Variants in UBE2E2 observed in about 807,000 individuals in gnomAD.
UBE2E2 encodes ubiquitin conjugating enzyme E2 E2, also known as ubiquitin-conjugating enzyme E2 E2.
Under a neutral mutation model 24.7 loss-of-function variants are expected in UBE2E2, and 6 were observed. That is an observed-to-expected ratio of 0.24 (90% CI 0.13 to 0.48). UBE2E2 has a LOEUF of 0.48. UBE2E2 is among the 20% of genes least tolerant of loss of function. The pLI is 0.99. For missense variants in UBE2E2, 169 were observed against 245.0 expected (o/e 0.69, Z 2.07); for synonymous variants, 104 against 83.6 (o/e 1.24, Z -1.33).
At chr3:23,348,579 T>C (rs1419883370) in intron 3 of UBE2E2, among the ~76,000 whole-genome samples, 2 of 152,156 alleles carry the variant, frequency 1.3e-5, no homozygotes, top group Non-Finnish European at 1.5e-5. Context: ...GTCATAATCA[T>C]AGTAAGAAGA....
chr3:23,472,790 G>A lies in UBE2E2; in HGVS notation c.228-26818G>A, dbSNP rs115301186. On this transcript the variant is annotated intron_variant, in intron 3 of 5. Transcript: ENST00000396703. ...CTCCTGAGTAGCTGGGACCACAGGC[G>A]CACATGCTACCAAGCCCAGCTAATT... is the stretch of plus-strand genomic sequence containing the variant. Among the ~76,000 whole-genome samples the A allele has an allele frequency of 5.9e-3, 894 of 151,556 alleles. 23 individuals carry two copies. Among genetic ancestry groups the A allele is most frequent in the African/African-American group, 0.021 (861 of 41,130 alleles).
intron 3 of UBE2E2, among the ~76,000 whole-genome samples, chr3:23,387,886 G>A (rs2125357742): frequency 6.6e-6 from 1 of 152,210 alleles, no homozygotes; most frequent in East Asian, 1.9e-4. Context: ...GCTGCTAGTG[G>A]GGTCACATCT....
At chr3:23,475,958 G>A (rs1021985422) in intron 3 of UBE2E2, among the ~76,000 whole-genome samples, 5 of 152,090 alleles carry the variant, frequency 3.3e-5, no homozygotes, top group African/African-American at 1.2e-4. Flanking sequence ...GCCTTCACAG[G>A]ACTGGAGTTA....
At chr3:23,531,186 A>G (rs1296781040) in intron 4 of UBE2E2, among the ~76,000 whole-genome samples, 1 of 152,176 alleles carries the variant, frequency 6.6e-6, no homozygotes, top group Non-Finnish European at 1.5e-5. Flanking sequence ...TGTAAATTAC[A>G]TAAATCTGGT....
intron 5 of UBE2E2, among the ~76,000 whole-genome samples, chr3:23,579,719 G>A (rs1314760337): frequency 1.2e-4 from 19 of 152,008 alleles, no homozygotes; most frequent in Admixed American, 1.2e-3. Context: ...AAAGAAAAAA[G>A]AATACTATTT....
chr3:23,523,404 ATGTC>A (rs773625335), intron 4 of UBE2E2, among the ~76,000 whole-genome samples: 3 of 152,184 alleles, frequency 2.0e-5, no homozygotes, highest in Non-Finnish European at 4.4e-5. Flanking sequence ...TTCAATTTAA[ATGTC>A]TGTGGCATAA....
intron 5 of UBE2E2, among the ~76,000 whole-genome samples, chr3:23,584,534 G>A (rs1696564482): frequency 1.3e-5 from 2 of 151,238 alleles, no homozygotes; most frequent in Non-Finnish European, 1.5e-5. Flanking sequence ...ATGCGAAGAG[G>A]TAGATTACGC....
At position 23,370,898 on chromosome 3, in the gene UBE2E2, G is replaced by A. The variant is rs541844424; in HGVS notation, c.228-128710G>A. On this transcript the variant is annotated intron_variant, in intron 3 of 5. Transcript: ENST00000396703. ...AAATGGGAAGAGAGTAGAAGTAAAA[G>A]CAGAAAAGAAAAATGAGGCTGTTGC... is the stretch of plus-strand genomic sequence containing the variant. Among the ~76,000 whole-genome samples, 3 of 152,250 alleles carry A rather than the reference G, an allele frequency of 2.0e-5. No homozygotes were observed. The South Asian group carries it at 6.2e-4, about 32-fold the overall frequency.
chr3:23,438,064 A>G (rs1383047012), intron 3 of UBE2E2, among the ~76,000 whole-genome samples: 3 of 152,222 alleles, frequency 2.0e-5, no homozygotes, highest in East Asian at 1.9e-4. Context: ...AGATTTGAAG[A>G]GCATCATTTC....
intron 3 of UBE2E2, among the ~76,000 whole-genome samples, chr3:23,354,136 A>T (rs1695857389): frequency 1.3e-5 from 2 of 152,126 alleles, no homozygotes; most frequent in African/African-American, 4.8e-5. Context: ...AGCAATGGGG[A>T]AAGGATTCCC....
intron 3 of UBE2E2, among the ~76,000 whole-genome samples, chr3:23,297,294 G>T (rs1450528681): frequency 1.3e-5 from 2 of 151,812 alleles, no homozygotes; most frequent in African/African-American, 4.8e-5. Context: ...CTTTTGCTGT[G>T]CAGAAGCTCT....
At chr3:23,355,499 T>C (rs796332781) in intron 3 of UBE2E2, among the ~76,000 whole-genome samples, 14 of 152,292 alleles carry the variant, frequency 9.2e-5, no homozygotes, top group African/African-American at 3.1e-4. Context: ...CAAAGCAAAG[T>C]GTTTTAAATC....
intron 3 of UBE2E2, among the ~76,000 whole-genome samples, chr3:23,384,184 A>G (rs1384225106): frequency 6.6e-6 from 1 of 151,966 alleles, no homozygotes; most frequent in Non-Finnish European, 1.5e-5. Context: ...GTTTTTGGAG[A>G]CAGGGTCTCA....
chr3:23,442,775 A>T (rs573818969), intron 3 of UBE2E2, among the ~76,000 whole-genome samples: 1 of 152,306 alleles, frequency 6.6e-6, no homozygotes, highest in South Asian at 2.1e-4. Flanking sequence ...CCAGAGATGC[A>T]TAGATAAGGG....
intron 3 of UBE2E2, among the ~76,000 whole-genome samples, chr3:23,256,138 A>G (rs1310691851): frequency 6.6e-6 from 1 of 152,204 alleles, no homozygotes; most frequent in Non-Finnish European, 1.5e-5. Flanking sequence ...CTAGCATATG[A>G]GTTGCAACCA....
intron 3 of UBE2E2, among the ~76,000 whole-genome samples, chr3:23,387,002 C>T (rs952135947): frequency 1.3e-5 from 2 of 152,156 alleles, no homozygotes; most frequent in African/African-American, 4.8e-5. Context: ...TTTAAAGTAC[C>T]TGCTATTTGA....
intron 4 of UBE2E2, among the ~76,000 whole-genome samples, chr3:23,500,447 T>A (rs1699696137): frequency 1.3e-5 from 2 of 152,218 alleles, no homozygotes; most frequent in African/African-American, 4.8e-5. Flanking sequence ...TCTTTTCTAC[T>A]GCCTATAAGT....
rs536592348 is a variant in UBE2E2 at position 23,426,912 on chromosome 3, G to A, written c.228-72696G>A. ...ATAATAGCAACAATATATTGTGTGC[G>A]TATACACACACACATATATATATAC... On this transcript the variant is annotated intron_variant, in intron 3 of 5. Transcript: ENST00000396703. Among the ~76,000 whole-genome samples, 7 of 151,912 alleles carry A rather than the reference G, an allele frequency of 4.6e-5. 1 individual carries two copies. The highest frequency in any genetic ancestry group is 4.2e-4 in the South Asian group (2 of 4,810).
chr3:23,352,082 C>T (rs13319311), intron 3 of UBE2E2, among the ~76,000 whole-genome samples: 43,747 of 152,092 alleles, frequency 0.29, 6,533 homozygotes, highest in East Asian at 0.36. Flanking sequence ...AAGAAACTCA[C>T]TCAAAACCGT....
Sources: allele counts gnomAD v4.1 joint callset (sites outside exome capture counted in the v4.1 genomes callset), GRCh38; gene constraint gnomAD v4.1.1; transcripts MANE v1.5; gene names NCBI Gene and HGNC (gene_info 2026-07-23, HGNC 2026-07-21).